The following SBNO2 variants were observed in gnomAD, a reference collection of about 807,000 sequenced individuals.
The protein encoded by SBNO2 is strawberry notch homolog 2.
Under a neutral mutation model 146.3 loss-of-function variants are expected in SBNO2, and 89 were observed. The ratio of observed to expected loss-of-function variants is 0.61; its 90% CI spans 0.51 to 0.73. The LOEUF (loss-of-function observed/expected upper bound fraction) is 0.73. Ranked by LOEUF, SBNO2 falls within the 30% of genes least tolerant of loss-of-function variation. SBNO2 has a pLI of 0.00. For missense variants in SBNO2, 2,092 were observed against 2,003.7 expected (o/e 1.04, Z -0.84); for synonymous variants, 1,147 against 892.6 (o/e 1.29, Z -5.08).
rs1450871760 is a variant in SBNO2, at chr19:1,112,003, T to G, written c.2693A>C (p.Glu898Ala). The G allele has an allele frequency of 4.3e-6, 7 of 1,611,468 alleles. No individual in the cohort carries two copies. The highest frequency in any genetic ancestry group is 5.9e-6 in the Non-Finnish European group (7 of 1,179,464). Residue 898 changes from glutamate to alanine, a missense_variant, in exon 23 of 32, where the codon GAG becomes GCG. By Grantham distance (107) the Glu-to-Ala change is moderately radical (BLOSUM62 -1). Coordinates refer to ENST00000361757, the MANE Select transcript of SBNO2 (RefSeq NM_014963.3). This position sits in a 1 kb window ranked among gnomAD's most constrained non-coding sequence, Gnocchi z 5.9. ...CTGCCTTCCCTGCAGTACCTTGTTC[T>G]CAAAGTTGTACTTGCTGAGGTCACG... ...ESRDLSKYNF[E>A]NKYGTRALHC...
Position 1,140,247 on chromosome 19 carries a change from C to T in SBNO2, c.279+7062G>A, listed in dbSNP as rs765102121. Among the ~76,000 whole-genome samples the T allele has an allele frequency of 9.2e-5, 14 of 151,854 alleles. No homozygotes were observed. Among genetic ancestry groups the T allele is most frequent in the Admixed American group, 1.3e-4 (2 of 15,250 alleles). On this transcript the variant is annotated intron_variant, in intron 4 of 31. Transcript: ENST00000361757. This position sits in a 1 kb window ranked among gnomAD's most constrained non-coding sequence, Gnocchi z 4.4. ...CCCAGGAGGCGTTGGTTGCAGTGAG[C>T]CGAGGTCACGCCACTGCACTCCAGC... is the stretch of plus-strand genomic sequence containing the variant.
intron 4 of SBNO2, among the ~76,000 whole-genome samples, chr19:1,143,564 G>A (rs1410145480): frequency 6.6e-6 from 1 of 152,166 alleles, no homozygotes; most frequent in Non-Finnish European, 1.5e-5. Flanking sequence ...GGGTGGGCAG[G>A]GCAGGTCCCT....
chr19:1,123,110 G>A (rs1434437418), intron 7 of SBNO2, 65 bp from the exon 8 acceptor site: 1 of 1,540,206 alleles, frequency 6.5e-7, no homozygotes, highest in Non-Finnish European at 8.8e-7. Flanking sequence ...GGCCGGTTAT[G>A]GCACGCTGGG....
chr19:1,149,316 G>T, intron 3 of SBNO2, 53 bp downstream of exon 3: 1 of 1,489,290 alleles, frequency 6.7e-7, no homozygotes, highest in Non-Finnish European at 9.2e-7. Flanking sequence ...TTGTAACTGT[G>T]ACTTCAGAAT....
At chr19:1,118,389 G>A (rs1012852130) in intron 14 of SBNO2, among the ~76,000 whole-genome samples, 66 of 152,070 alleles carry the variant, frequency 4.3e-4, no homozygotes, top group African/African-American at 1.6e-3. Context: ...TTGGGCGTGA[G>A]GGGGAGAAAA....
rs1165066530 is a variant in SBNO2, at chr19:1,136,080, A to T, written c.280-8315T>A. 6.6e-6 allele frequency among the ~76,000 whole-genome samples: 1 copy of T among 151,806 alleles called. No individual in the cohort carries two copies. Among genetic ancestry groups the T allele is most frequent in the East Asian group, 1.9e-4 (1 of 5,180 alleles). ...TGTGCCTGGTGTCCTCATTCGAAGGAGACACAGTCCCGGGGAGGAGGCCAC... is the reference window on the plus strand; with the variant it reads ...TGTGCCTGGTGTCCTCATTCGAAGGTGACACAGTCCCGGGGAGGAGGCCAC... On this transcript the variant is annotated intron_variant, in intron 4 of 31. Transcript: ENST00000361757. This position sits in a 1 kb window ranked among gnomAD's most constrained non-coding sequence, Gnocchi z 4.2.
chr19:1,163,643 G>C (rs772992375), intron 1 of SBNO2, among the ~76,000 whole-genome samples: 3 of 152,214 alleles, frequency 2.0e-5, no homozygotes, highest in Non-Finnish European at 4.4e-5. Flanking sequence ...TGCCAACCAC[G>C]GGCAGAGGCC....
At position 1,117,304 on chromosome 19, in the gene SBNO2, G is replaced by GTCTC; in HGVS notation, c.1704+18_1704+19insGAGA. The GTCTC allele has an allele frequency of 6.5e-7, 1 of 1,549,870 alleles. No individual in the cohort carries two copies. The highest frequency in any genetic ancestry group is 1.2e-5 in the South Asian group (1 of 83,552). Reference sequence around the variant, plus strand: ...GCAGGCCCGGCCGCCCTCAGCCCTCGAAGGCCGCAGCCGCTCACCTTGTCT... The same window carrying GTCTC: ...GCAGGCCCGGCCGCCCTCAGCCCTCGTCTCAAGGCCGCAGCCGCTCACCTTGTCT... On this transcript the variant is annotated intron_variant, in intron 15 of 31. Transcript: ENST00000361757.
chr19:1,147,371 T>C lies in SBNO2; in HGVS notation c.217A>G (p.Thr73Ala), dbSNP rs199901218. The C allele has an allele frequency of 1.4e-4, 210 of 1,512,778 alleles. No homozygotes were observed. Among genetic ancestry groups the C allele is most frequent in the Non-Finnish European group, 1.7e-4 (198 of 1,135,890 alleles). The allele number at this position is 1,512,778 out of a possible 1,614,324, so 93.7% of individuals were successfully genotyped here. ...GCGGTGGCCACGGGGGCATAGCTGG[T>C]GTCTGGGCAGGGCTGGCTGCCGAGG... ...SFLGSQPCPD[T>A]SYAPVATASS... The change falls in exon 4 of 32, where the codon ACC (threonine) becomes GCC (alanine). Residue 73 changes from threonine (T) to alanine (A), a missense_variant. Coordinates refer to ENST00000361757, the MANE Select transcript of SBNO2 (RefSeq NM_014963.3).
At chr19:1,146,845 G>T (rs2080195274) in intron 4 of SBNO2, among the ~76,000 whole-genome samples, 1 of 151,782 alleles carries the variant, frequency 6.6e-6, no homozygotes. Context: ...GCAGTGGGAG[G>T]CTGGGAGCCT....
chr19:1,146,439 C>A (rs11882148), intron 4 of SBNO2, among the ~76,000 whole-genome samples: 159 of 152,164 alleles, frequency 1.0e-3, no homozygotes, highest in Non-Finnish European at 2.0e-3. Context: ...TGGATCTGGC[C>A]GGCTTGCGCC....
At position 1,119,152 on chromosome 19, in the gene SBNO2, G is replaced by C. The variant is rs755743978; in HGVS notation, c.1386C>G (p.Ala462=). 3.1e-6 allele frequency: 5 copies of C among 1,599,936 alleles called. No individual in the cohort carries two copies. The highest frequency in any genetic ancestry group is 3.4e-5 in the Admixed American group (2 of 59,198). Residue 462 remains alanine, a synonymous_variant, in exon 14 of 32, where the codon GCC becomes GCG. Transcript: ENST00000361757. ...TCATGTCCATGGCCACGATCTCCAT[G>C]GCGCCAACGCCCCTGCGGATGGACA... ...LHAIEKRGVG[A]MEIVAMDMKV... is the part of the protein sequence containing the mutation.
intron 3 of SBNO2, among the ~76,000 whole-genome samples, chr19:1,147,886 C>A (rs2080209066): frequency 6.6e-6 from 1 of 152,142 alleles, no homozygotes; most frequent in Admixed American, 6.5e-5. Context: ...AGGTCGGAAC[C>A]CCCCGCCCTG....
In SBNO2 at chr19:1,108,228, G is replaced by A. The variant is rs905874968; in HGVS notation, c.4093C>T (p.Pro1365Ser). 25 of 1,527,464 alleles carry A rather than the reference G, an allele frequency of 1.6e-5. No homozygotes were observed. The highest frequency in any genetic ancestry group is 5.2e-5 in the East Asian group (2 of 38,294). The allele number at this position is 1,527,464 out of a possible 1,614,324, so 94.6% of individuals were successfully genotyped here. A position where few individuals can be genotyped will look rare whatever the true frequency, so the allele number is the denominator to read the frequency against. The change falls in exon 32 of 32, where the codon CCT becomes TCT. Residue 1365 changes from proline to serine, a missense_variant. Physicochemically the swap from Pro to Ser is moderately conservative, Grantham distance 74 (BLOSUM62 -1). Coordinates refer to ENST00000361757, the MANE Select transcript of SBNO2 (RefSeq NM_014963.3). ...FSPPFPGAQA[P>S]L ...TTTCGCCTAAAGGCGTGTCAGAGAGGAGCCTGGGCGCCGGGGAAGGGTGGG... is the reference window on the plus strand; with the variant it reads ...TTTCGCCTAAAGGCGTGTCAGAGAGAAGCCTGGGCGCCGGGGAAGGGTGGG...
Position 1,147,425 on chromosome 19 carries a change from AGGGAGATGGGGGGGG to A in SBNO2, c.168-20_168-6del. Reference sequence around the variant, plus strand: ...GAGGCGGAGCTCATGAACGGGCTGGAGGGAGATGGGGGGGGGGGAGGTGAGATGGGGTGCTCAACC... The same window carrying A: ...GAGGCGGAGCTCATGAACGGGCTGGAGGGAGGTGAGATGGGGTGCTCAACC... On this transcript the variant is annotated splice_region_variant and splice_polypyrimidine_tract_variant and intron_variant, in intron 3 of 31. Transcript: ENST00000361757. The A allele has an allele frequency of 5.2e-6, 3 of 582,222 alleles. No individual in the cohort carries two copies. The highest frequency in any genetic ancestry group is 2.5e-6 in the Non-Finnish European group (1 of 397,078). The allele number at this position is 582,222 out of a possible 1,614,324, so 36.1% of individuals were successfully genotyped here.
chr19:1,129,119 T>C (rs2079999965), intron 4 of SBNO2, among the ~76,000 whole-genome samples: 2 of 151,820 alleles, frequency 1.3e-5, no homozygotes. Context: ...ACACAAAAAT[T>C]AGCTGGGCAT....
At chr19:1,123,690 G>A in intron 6 of SBNO2, 51 bp from the exon 7 acceptor site, 1 of 1,526,200 alleles carries the variant, frequency 6.6e-7, no homozygotes, top group Admixed American at 1.9e-5. Flanking sequence ...AGCGGCCGCG[G>A]GCACTGGGCT....
At chr19:1,159,408 G>A (rs1234353733) in intron 1 of SBNO2, among the ~76,000 whole-genome samples, 1 of 145,192 alleles carries the variant, frequency 6.9e-6, no homozygotes, top group African/African-American at 2.6e-5. Context: ...TGGAGCCAAG[G>A]GAGGGTCAGC....
In SBNO2 at chr19:1,112,731, C is replaced by T. The variant is rs1374022245; in HGVS notation, c.2379+87G>A. On this transcript the variant is annotated intron_variant, in intron 20 of 31. Coordinates refer to ENST00000361757, the MANE Select transcript of SBNO2 (RefSeq NM_014963.3). This position sits in a 1 kb window ranked among gnomAD's most constrained non-coding sequence, Gnocchi z 5.9. ...CTGGCACACACACACTCCAGAAGTG[C>T]GCGGGTCCACAGTCCCCGGGGACCC... 1.4e-5 allele frequency: 20 copies of T among 1,475,980 alleles called. No individual in the cohort carries two copies. The highest frequency in any genetic ancestry group is 1.7e-5 in the Non-Finnish European group (19 of 1,111,148). 91.4% of individuals were successfully genotyped at this position (1,475,980 alleles called of 1,614,324 possible). A position where few individuals can be genotyped will look rare whatever the true frequency, so the allele number is the denominator to read the frequency against.
Sources: gnomAD v4.1 joint callset for allele counts (sites outside exome capture counted in the v4.1 genomes callset) on GRCh38, gnomAD v4.1.1 for gene constraint, Gnocchi (gnomAD v3.1) non-coding constraint, MANE v1.5 for transcripts, NCBI Gene and HGNC (gene_info 2026-07-23, HGNC 2026-07-21) for gene names.